Variants in SWI5 observed in about 807,000 individuals in gnomAD.
SWI5 encodes DNA repair protein SWI5 homolog.
In SWI5, 12 loss-of-function variants were observed where a neutral mutation model predicts 17.0. The observed-to-expected ratio is 0.71, with a 90% confidence interval of 0.45 to 1.14. SWI5 has a LOEUF of 1.14. Ranked by LOEUF, SWI5 falls within the 50% of genes most tolerant of loss-of-function variation. SWI5 has a pLI of 0.00. For missense variants in SWI5, 158 were observed against 162.2 expected, an observed-to-expected ratio of 0.97 and a Z score of 0.14; for synonymous variants, 61 against 64.0, an observed-to-expected ratio of 0.95 and a Z score of 0.22.
At chr9:128,276,540 AG>A in intron 1 of SWI5, 138 bp downstream of exon 1, 1 of 1,571,786 alleles carries the variant, frequency 6.4e-7, no homozygotes, top group Non-Finnish European at 8.7e-7. Context: ...CCCCCTTCCT[AG>A]AGGGTCTCTA....
intron 2 of SWI5, among the ~76,000 whole-genome samples, chr9:128,281,047 T>C (rs979828771): frequency 7.1e-6 from 1 of 139,932 alleles, no homozygotes; most frequent in Non-Finnish European, 1.5e-5. Flanking sequence ...TTTTTTTTTT[T>C]TTTTTTTTTT....
At chr9:128,279,807 TC>T (rs1831504680) in intron 2 of SWI5, among the ~76,000 whole-genome samples, 1 of 152,076 alleles carries the variant, frequency 6.6e-6, no homozygotes, top group Non-Finnish European at 1.5e-5. Context: ...GAAAGGAGAC[TC>T]CCTTTCACGG....
upstream of SWI5, chr9:128,275,941 C>T: frequency 6.3e-7 from 1 of 1,593,090 alleles, no homozygotes; most frequent in Non-Finnish European, 8.5e-7. Context: ...CTTCCGACAT[C>T]GCGGGGCGGG....
chr9:128,281,121 T>A (rs1831531581), intron 2 of SWI5, among the ~76,000 whole-genome samples: 1 of 122,862 alleles, frequency 8.1e-6, no homozygotes, highest in South Asian at 2.8e-4. Flanking sequence ...CACCACAACC[T>A]CCACCTCCCA....
upstream of SWI5, chr9:128,276,208 T>A (rs775264088): frequency 6.2e-7 from 1 of 1,607,360 alleles, no homozygotes; most frequent in South Asian, 1.1e-5. Flanking sequence ...GCAACCGCTG[T>A]CCCCGCCCAC....
At chr9:128,275,771 C>T (rs985642918), upstream of SWI5, 9 of 612,044 alleles carry the variant, frequency 1.5e-5, no homozygotes, top group Admixed American at 7.3e-5. Flanking sequence ...TGGAGGGAGC[C>T]CGGACGCGCC....
intron 2 of SWI5, 45 bp from the exon 3 acceptor site, chr9:128,284,465 G>A (rs372645058): frequency 3.0e-5 from 48 of 1,600,536 alleles, no homozygotes; most frequent in Non-Finnish European, 4.0e-5. Flanking sequence ...GCTGTGAATT[G>A]TGGATAACTG....
At chr9:128,284,250 C>T (rs1179543818) in intron 2 of SWI5, among the ~76,000 whole-genome samples, 1 of 143,576 alleles carries the variant, frequency 7.0e-6, no homozygotes, top group African/African-American at 2.7e-5. Flanking sequence ...GATCAGGTTA[C>T]TGCACTCCAG....
chr9:128,280,770 G>A (rs926220849), intron 2 of SWI5, among the ~76,000 whole-genome samples: 7 of 152,202 alleles, frequency 4.6e-5, no homozygotes, highest in Middle Eastern at 3.4e-3. Flanking sequence ...TCCCGCCTCC[G>A]CCTCCCAAAG....
At chr9:128,277,734 G>C (rs915754545) in intron 2 of SWI5, among the ~76,000 whole-genome samples, 4 of 152,198 alleles carry the variant, frequency 2.6e-5, no homozygotes, top group Non-Finnish European at 4.4e-5. Context: ...GGCTTGCAAA[G>C]AGGGCTCTCC....
intron 4 of SWI5, 120 bp downstream of exon 4, chr9:128,286,153 C>A: frequency 1.4e-6 from 1 of 707,832 alleles, no homozygotes; most frequent in Non-Finnish European, 2.5e-6. Flanking sequence ...CAGCAGTTGG[C>A]CTGCTCCTAG....
At chr9:128,276,880 C>G (rs1020613796) in intron 2 of SWI5, 125 bp downstream of exon 2, 1 of 997,550 alleles carries the variant, frequency 1.0e-6, no homozygotes. Context: ...TTCTCCCAGT[C>G]GACTGAGAAC....
chr9:128,287,832 G>A (rs1195434267), intron 4 of SWI5, among the ~76,000 whole-genome samples: 2 of 152,112 alleles, frequency 1.3e-5, no homozygotes, highest in African/African-American at 4.8e-5. Context: ...AAAGTGCTGA[G>A]ATTATAGGCT....
rs988713699 is a variant in SWI5 at position 128,285,121 on chromosome 9, C to T, written c.233+490C>T. Among the ~76,000 whole-genome samples, 51 of 151,788 alleles carry T rather than the reference C, an allele frequency of 3.4e-4. No homozygotes were observed. Among genetic ancestry groups the T allele is most frequent in the African/African-American group, 1.1e-3 (47 of 41,370 alleles). Reference sequence around the variant, plus strand: ...GGCAGAGGTTGCAGTGAGGCGAGATCGCGCCACTGCACTCCAGCCTGGCTA... The same window carrying T: ...GGCAGAGGTTGCAGTGAGGCGAGATTGCGCCACTGCACTCCAGCCTGGCTA... On this transcript the variant is annotated intron_variant, in intron 3 of 4. Coordinates refer to ENST00000418976, the Ensembl canonical transcript of SWI5. The surrounding 1 kb of genome is among the most constrained non-coding windows in gnomAD (Gnocchi z 4.8).
At chr9:128,276,847 C>A in intron 2 of SWI5, 92 bp downstream of exon 2, 3 of 1,305,750 alleles carry the variant, frequency 2.3e-6, no homozygotes, top group South Asian at 1.3e-5. Context: ...GCAGCCAATC[C>A]CCGCTTGGCC....
At chr9:128,279,225 G>C (rs1445999222) in intron 2 of SWI5, among the ~76,000 whole-genome samples, 1 of 152,170 alleles carries the variant, frequency 6.6e-6, no homozygotes, top group Admixed American at 6.6e-5. Context: ...ATTTCTGTAG[G>C]ATCCAGCCCT....
intron 3 of SWI5, among the ~76,000 whole-genome samples, chr9:128,284,929 C>CT (rs1831609578): frequency 6.9e-6 from 1 of 143,940 alleles, no homozygotes; most frequent in African/African-American, 2.7e-5. Context: ...GCACTCCAGC[C>CT]TGGGCGATGG....
upstream of SWI5, chr9:128,276,139 C>A: frequency 6.4e-7 from 1 of 1,565,594 alleles, no homozygotes; most frequent in Non-Finnish European, 8.6e-7. Flanking sequence ...CGGAAGGGGG[C>A]GTGGCTATGC....
intron 2 of SWI5, among the ~76,000 whole-genome samples, chr9:128,279,119 A>T (rs1831491247): frequency 6.6e-6 from 1 of 151,890 alleles, no homozygotes. Context: ...CTCTGGGCCT[A>T]TTTGCAGGAG....
Sources: allele counts gnomAD v4.1 joint callset (sites outside exome capture counted in the v4.1 genomes callset), GRCh38; gene constraint gnomAD v4.1.1; non-coding constraint Gnocchi (gnomAD v3.1); transcripts MANE v1.5; gene names NCBI Gene and HGNC (gene_info 2026-07-23, HGNC 2026-07-21).